DPP10: variants seen among roughly 807,000 people sequenced by gnomAD.
DPP10 encodes the protein inactive dipeptidyl peptidase 10.
Under a neutral mutation model 120.9 loss-of-function variants are expected in DPP10, and 33 were observed. That is an observed-to-expected ratio of 0.27 (90% CI 0.21 to 0.37). The LOEUF (loss-of-function observed/expected upper bound fraction) is 0.37. DPP10 is among the 10% of genes least tolerant of loss of function. The pLI, the probability that DPP10 is intolerant of heterozygous loss-of-function variation, is 1.00. For synonymous variants in DPP10, 337 were observed against 326.1 expected, an observed-to-expected ratio of 1.03 and a Z score of -0.36; for missense variants, 816 against 942.8, an observed-to-expected ratio of 0.87 and a Z score of 1.76.
intron 9 of DPP10, among the ~76,000 whole-genome samples, chr2:115,740,632 G>T (rs1677137549): frequency 6.6e-6 from 1 of 152,092 alleles, no homozygotes; most frequent in African/African-American, 2.4e-5. Context: ...ATGGCAATAT[G>T]TTCCAGACAG....
intron 3 of DPP10, chr2:115,468,953 G>T: frequency 5.0e-6 from 1 of 199,924 alleles, no homozygotes; most frequent in Non-Finnish European, 9.6e-6. Flanking sequence ...TTCTTTCATA[G>T]ATACTTTTTT....
intron 21 of DPP10, among the ~76,000 whole-genome samples, chr2:115,835,011 GGGGGGCGGAGCTTGCAGTGAGCCCA>G (rs1421801299): frequency 3.9e-5 from 5 of 128,416 alleles, no homozygotes; most frequent in Admixed American, 2.3e-4. Flanking sequence ...GCGTGAACCC[GGGGGGCGGAGCTTGCAGTGAGCCCA>G]GGGGGCGGAG....
chr2:115,731,478 A>T (rs1351579903), intron 8 of DPP10, among the ~76,000 whole-genome samples: 12 of 152,058 alleles, frequency 7.9e-5, no homozygotes, highest in Non-Finnish European at 1.8e-4. Context: ...GTGAGCCAAG[A>T]TCATGCCACT....
chr2:115,555,184 T>G (rs557590447), intron 5 of DPP10, among the ~76,000 whole-genome samples: 24 of 152,246 alleles, frequency 1.6e-4, no homozygotes, highest in Middle Eastern at 3.4e-3. Context: ...AAAATTCATC[T>G]TCTAGAATAT....
intron 1 of DPP10, among the ~76,000 whole-genome samples, chr2:114,501,835 A>G (rs886066427): frequency 1.7e-4 from 26 of 151,908 alleles, no homozygotes; most frequent in African/African-American, 6.3e-4. Context: ...CCTAAAGCAT[A>G]GTGGGAAATA....
At chr2:115,612,458 C>G (rs531246197) in intron 5 of DPP10, among the ~76,000 whole-genome samples, 1 of 152,030 alleles carries the variant, frequency 6.6e-6, no homozygotes, top group Admixed American at 6.6e-5. Flanking sequence ...TTTTTGCATG[C>G]GAAATCTACT....
chr2:115,561,252 G>A (rs930603760), intron 5 of DPP10, among the ~76,000 whole-genome samples: 5 of 151,196 alleles, frequency 3.3e-5, no homozygotes, highest in African/African-American at 4.9e-5. Context: ...CCAGCTACTC[G>A]GGAGGCTGAG....
rs893899550 is a variant in DPP10 at position 115,844,789 on chromosome 2, G to A, written c.*2444G>A. On this transcript the variant is annotated 3_prime_UTR_variant, in exon 26 of 26. Transcript: ENST00000410059. ...TATATTGAATTCTTTAATTAAATAG[G>A]TAAGCAGTATTAAATCATCCACAGA... 4.6e-5 allele frequency: 7 copies of A among 152,084 alleles called. No homozygotes were observed. The highest frequency in any genetic ancestry group is 1.7e-4 in the African/African-American group (7 of 41,402). 9.4% of individuals were successfully genotyped at this position (152,084 alleles called of 1,614,324 possible).
At chr2:115,759,283 G>C (rs1679804124) in intron 11 of DPP10, among the ~76,000 whole-genome samples, 1 of 151,920 alleles carries the variant, frequency 6.6e-6, no homozygotes, top group African/African-American at 2.4e-5. Context: ...ATTTGGTCAG[G>C]TATGGTGGCT....
chr2:115,460,635 A>G (rs10864940), intron 3 of DPP10, among the ~76,000 whole-genome samples: 20,975 of 151,974 alleles, frequency 0.14, 3,134 homozygotes, highest in African/African-American at 0.37. Flanking sequence ...GTAGAGTTAC[A>G]TGATATTGTC....
At chr2:115,054,644 G>A (rs763668224) in intron 1 of DPP10, among the ~76,000 whole-genome samples, 4 of 152,148 alleles carry the variant, frequency 2.6e-5, no homozygotes, top group Admixed American at 6.5e-5. Context: ...CCAGGGCGAC[G>A]GCTCATGCCT....
At chr2:115,469,901 A>AAAAAAAAAAAAAAAAAG (rs1558709906) in intron 3 of DPP10, among the ~76,000 whole-genome samples, 1 of 74,652 alleles carries the variant, frequency 1.3e-5, no homozygotes, top group Admixed American at 1.4e-4. Flanking sequence ...AAAAAAAAAG[A>AAAAAAAAAAAAAAAAAG]AAAAAAAAAA....
At chr2:114,738,342 T>A (rs11893431) in intron 1 of DPP10, among the ~76,000 whole-genome samples, 2,526 of 152,308 alleles carry the variant, frequency 0.017, 93 homozygotes, top group African/African-American at 0.058. Flanking sequence ...GAGCAGGCTG[T>A]CTGGTTGGAG....
At chr2:114,880,723 T>C (rs1691532859) in intron 1 of DPP10, among the ~76,000 whole-genome samples, 1 of 152,146 alleles carries the variant, frequency 6.6e-6, no homozygotes, top group African/African-American at 2.4e-5. Context: ...GTGCCAAGTT[T>C]TTCAAACGGA....
intron 3 of DPP10, among the ~76,000 whole-genome samples, chr2:115,403,420 TAC>T (rs1198878792): frequency 8.7e-6 from 1 of 114,744 alleles, no homozygotes; most frequent in Non-Finnish European, 1.8e-5. Flanking sequence ...TTTTTTTTGA[TAC>T]AGAGTCTCAC....
chr2:115,243,295 T>A (rs2058373684), intron 1 of DPP10, among the ~76,000 whole-genome samples: 2 of 152,128 alleles, frequency 1.3e-5, no homozygotes, highest in South Asian at 4.1e-4. Flanking sequence ...ATGGGCCCAT[T>A]AACCCTACTG....
At chr2:114,970,388 C>T (rs1699314493) in intron 1 of DPP10, among the ~76,000 whole-genome samples, 1 of 152,024 alleles carries the variant, frequency 6.6e-6, no homozygotes, top group South Asian at 2.1e-4. Flanking sequence ...TTTAAAAGCC[C>T]CACCTTATAA....
chr2:115,372,395 C>T (rs1445352567), intron 3 of DPP10, among the ~76,000 whole-genome samples: 1 of 84,132 alleles, frequency 1.2e-5, no homozygotes, highest in Non-Finnish European at 2.8e-5. Context: ...TAATCATTAC[C>T]CTTTAGAGGT....
intron 7 of DPP10, among the ~76,000 whole-genome samples, chr2:115,716,066 C>G (rs190194644): frequency 1.5e-3 from 223 of 152,300 alleles, no homozygotes; most frequent in African/African-American, 5.2e-3. Context: ...TAATCTAAAC[C>G]ATATACTTTG....
Sources: gnomAD v4.1 joint callset for allele counts (sites outside exome capture counted in the v4.1 genomes callset) on GRCh38, gnomAD v4.1.1 for gene constraint, MANE v1.5 for transcripts, NCBI Gene and HGNC (gene_info 2026-07-23, HGNC 2026-07-21) for gene names.